PTPRT: variants seen among roughly 807,000 people sequenced by gnomAD.
PTPRT encodes protein tyrosine phosphatase receptor type T.
PTPRT carries 56 observed loss-of-function variants against 176.8 expected under a neutral mutation model. The observed-to-expected ratio is 0.32, with a 90% CI of 0.26 to 0.40. The LOEUF (loss-of-function observed/expected upper bound fraction) is 0.40. Ranked by LOEUF, PTPRT falls within the 10% of genes least tolerant of loss-of-function variation. The pLI is 1.00. For missense variants in PTPRT, 1,540 were observed against 1,908.2 expected (o/e 0.81, Z 3.60); for synonymous variants, 783 against 739.0 (o/e 1.06, Z -0.96).
chr20:42,761,542 GT>G (rs1245788421), intron 5 of PTPRT, among the ~76,000 whole-genome samples: 1 of 152,164 alleles, frequency 6.6e-6, no homozygotes, highest in Non-Finnish European at 1.5e-5. Flanking sequence ...GGCCATTTTT[GT>G]TTTAACAAAC....
intron 2 of PTPRT, among the ~76,000 whole-genome samples, chr20:42,815,925 G>C (rs1474467887): frequency 6.6e-6 from 1 of 152,152 alleles, no homozygotes; most frequent in Non-Finnish European, 1.5e-5. Flanking sequence ...AATTATATGA[G>C]AATGTAGTCC....
intron 1 of PTPRT, among the ~76,000 whole-genome samples, chr20:43,024,014 G>T (rs1468533924): frequency 1.3e-5 from 2 of 152,204 alleles, no homozygotes; most frequent in Non-Finnish European, 2.9e-5. Context: ...AGGACAGCAG[G>T]CTCCCCACAG....
At chr20:42,898,008 A>C (rs1206837212) in intron 1 of PTPRT, among the ~76,000 whole-genome samples, 7 of 152,218 alleles carry the variant, frequency 4.6e-5, no homozygotes, top group South Asian at 4.1e-4. Context: ...AAAATGTTTT[A>C]AAGAAACTGT....
At chr20:42,420,044 G>A (rs2059104525) in intron 9 of PTPRT, among the ~76,000 whole-genome samples, 2 of 152,228 alleles carry the variant, frequency 1.3e-5, no homozygotes, top group Middle Eastern at 6.8e-3. Flanking sequence ...CTGACACCTC[G>A]ATTTTGATTT....
chr20:42,297,531 G>A (rs941585110), intron 12 of PTPRT, among the ~76,000 whole-genome samples: 4 of 151,998 alleles, frequency 2.6e-5, no homozygotes, highest in African/African-American at 9.7e-5. Flanking sequence ...CTGGACAAGT[G>A]GACACTAAAA....
chr20:42,583,546 T>C (rs1174810479), intron 7 of PTPRT, among the ~76,000 whole-genome samples: 1 of 152,148 alleles, frequency 6.6e-6, no homozygotes, highest in Non-Finnish European at 1.5e-5. Context: ...TTCCAGTGCC[T>C]ACAGCTTTTA....
intron 1 of PTPRT, among the ~76,000 whole-genome samples, chr20:42,886,201 A>G (rs532694407): frequency 6.6e-6 from 1 of 152,322 alleles, no homozygotes; most frequent in East Asian, 1.9e-4. Flanking sequence ...TTCCTGAGAA[A>G]GTAAACAGCA....
intron 1 of PTPRT, among the ~76,000 whole-genome samples, chr20:43,162,993 A>G (rs2014740464): frequency 6.6e-6 from 1 of 152,218 alleles, no homozygotes; most frequent in South Asian, 2.1e-4. Flanking sequence ...ATGATCTTTC[A>G]GGTATCCCTT....
chr20:42,121,682 G>C (rs1035887643), intron 19 of PTPRT, among the ~76,000 whole-genome samples: 1 of 106,588 alleles, frequency 9.4e-6, no homozygotes, highest in Non-Finnish European at 1.9e-5. Context: ...ATGGATGACT[G>C]AATAAAGAAA....
At chr20:43,068,321 G>A (rs1300014813) in intron 1 of PTPRT, among the ~76,000 whole-genome samples, 1 of 150,542 alleles carries the variant, frequency 6.6e-6, no homozygotes, top group Non-Finnish European at 1.5e-5. Context: ...TGGCTAACAC[G>A]GTGAAACCCC....
Position 42,613,145 on chromosome 20 carries a change from C to T in PTPRT, c.1153+64721G>A, listed in dbSNP as rs58355252. On this transcript the variant is annotated intron_variant, in intron 7 of 30. Transcript: ENST00000373187. ...TCAACAGTCTATTCATGGACCATTC[C>T]AAAAACTTTAAACTTGGCAGACTGC... 5.7e-3 allele frequency among the ~76,000 whole-genome samples: 873 copies of T among 152,200 alleles called. 9 individuals carry two copies. The highest frequency in any genetic ancestry group is 0.02 in the African/African-American group (830 of 41,522).
rs993456619 is a variant in PTPRT, at chr20:42,419,548, G to A, written c.1560+28672C>T. On this transcript the variant is annotated intron_variant, in intron 9 of 30. Transcript: ENST00000373187. ...GTACTTTCTGGCATGTGGTTTAGATGTTAAGCACTGTGGATGCTGGAACTT... is the reference window on the plus strand; with the variant it reads ...GTACTTTCTGGCATGTGGTTTAGATATTAAGCACTGTGGATGCTGGAACTT... 9.7e-4 allele frequency among the ~76,000 whole-genome samples: 148 copies of A among 152,268 alleles called. 1 individual carries two copies. The highest frequency in any genetic ancestry group is 3.4e-3 in the African/African-American group (140 of 41,558).
chr20:43,183,910 C>T (rs1424411338), intron 1 of PTPRT, among the ~76,000 whole-genome samples: 2 of 152,216 alleles, frequency 1.3e-5, no homozygotes, highest in Admixed American at 6.5e-5. Flanking sequence ...GGATGATGGA[C>T]ATCTGGATTG....
intron 1 of PTPRT, among the ~76,000 whole-genome samples, chr20:42,977,245 C>A (rs966798990): frequency 9.2e-5 from 14 of 152,040 alleles, no homozygotes; most frequent in Non-Finnish European, 2.1e-4. Context: ...TCTAAATTAG[C>A]CCTTAGAATA....
At chr20:42,480,988 G>T in intron 7 of PTPRT, among the ~76,000 whole-genome samples, 1 of 151,286 alleles carries the variant, frequency 6.6e-6, no homozygotes, top group Non-Finnish European at 1.5e-5. Flanking sequence ...GTTCATTCGA[G>T]GCAAGTACAA....
At chr20:42,710,899 C>T (rs6103003) in intron 6 of PTPRT, among the ~76,000 whole-genome samples, 1 of 152,238 alleles carries the variant, frequency 6.6e-6, no homozygotes, top group African/African-American at 2.4e-5. Context: ...GAGCCCACCC[C>T]TTGCACCAAT....
intron 1 of PTPRT, among the ~76,000 whole-genome samples, chr20:43,129,656 T>C (rs1460141891): frequency 2.2e-5 from 3 of 134,156 alleles, no homozygotes; most frequent in South Asian, 5.4e-4. Context: ...TCTCGCTCTG[T>C]CGCCCAGGCT....
At chr20:43,061,664 C>A (rs1164428850) in intron 1 of PTPRT, among the ~76,000 whole-genome samples, 1 of 152,132 alleles carries the variant, frequency 6.6e-6, no homozygotes, top group Non-Finnish European at 1.5e-5. Flanking sequence ...GTTCTAGATA[C>A]AACATGTTTT....
intron 7 of PTPRT, among the ~76,000 whole-genome samples, chr20:42,645,847 T>C (rs1275073493): frequency 6.6e-6 from 1 of 151,298 alleles, no homozygotes; most frequent in African/African-American, 2.4e-5. Context: ...AATATCTTGG[T>C]CATTGGTTAC....
Sources: allele counts gnomAD v4.1 joint callset (sites outside exome capture counted in the v4.1 genomes callset), GRCh38; gene constraint gnomAD v4.1.1; transcripts MANE v1.5; gene names NCBI Gene and HGNC (gene_info 2026-07-23, HGNC 2026-07-21).